ZNF800: variants seen among roughly 807,000 people sequenced by gnomAD.
The protein encoded by ZNF800 is zinc finger protein 800.
In ZNF800, 13 loss-of-function variants were observed where a neutral mutation model predicts 59.5. The observed-to-expected ratio is 0.22, with a 90% confidence interval of 0.14 to 0.35. ZNF800 has a LOEUF of 0.35. Among genes scored for constraint, ZNF800 ranks in the 10% least tolerant of loss-of-function variants. The pLI is 1.00. For synonymous variants in ZNF800, 266 were observed against 265.7 expected, an observed-to-expected ratio of 1.00 and a Z score of -0.01; for missense variants, 621 against 783.7, an observed-to-expected ratio of 0.79 and a Z score of 2.48.
chr7:127,365,042 AG>A (rs1339615179), downstream of ZNF800, among the ~76,000 whole-genome samples: 1 of 152,134 alleles, frequency 6.6e-6, no homozygotes, highest in African/African-American at 2.4e-5. Flanking sequence ...ATGAAGTGGA[AG>A]GCAAGCTGCA....
intron 1 of ZNF800, among the ~76,000 whole-genome samples, chr7:127,349,249 T>C (rs1800128304): frequency 6.6e-6 from 1 of 152,210 alleles, no homozygotes; most frequent in South Asian, 2.1e-4. Context: ...AACTAAAATA[T>C]GGCAATGAAC....
downstream of ZNF800, among the ~76,000 whole-genome samples, chr7:127,367,222 T>A (rs539317101): frequency 2.6e-5 from 4 of 152,212 alleles, no homozygotes; most frequent in South Asian, 6.2e-4. Flanking sequence ...CTATAAGGCC[T>A]GATCACTTAT....
At chr7:127,350,499 A>G (rs1462572866) in intron 1 of ZNF800, 5 of 152,236 alleles carry the variant, frequency 3.3e-5, no homozygotes, top group Non-Finnish European at 7.3e-5. Context: ...ACAAGTGCTG[A>G]AATCCTTGAC....
At chr7:127,391,452 G>A in intron 2 of ZNF800, 45 bp downstream of exon 2, 2 of 1,576,878 alleles carry the variant, frequency 1.3e-6, no homozygotes, top group Middle Eastern at 1.7e-4. Context: ...AAGGCAGAGT[G>A]GCTCTGATGG....
Position 127,374,546 on chromosome 7 carries a change from T to C in ZNF800, c.790A>G (p.Ile264Val). The change falls in exon 5 of 6, where the codon ATT becomes GTT. Residue 264 changes from isoleucine (I) to valine (V), a missense_variant. By Grantham distance (29) the Ile-to-Val change is conservative. This residue lies in a region of ZNF800 where 218 missense variants were observed against 230.8 expected (regional missense o/e 0.94). Transcript: ENST00000265827. The part of the protein sequence containing the change: ...KKKMEELKKY[I>V]ETRKNPNQSS... ...TGGTTTGGATTCTTTCGTGTTTCAA[T>C]GTACTTTTTTAGTTCTTCCATCTTT... 1 of 1,614,204 alleles carries C rather than the reference T, an allele frequency of 6.2e-7. No homozygotes were observed. The highest frequency in any genetic ancestry group is 8.5e-7 in the Non-Finnish European group (1 of 1,180,000).
intron 3 of ZNF800, among the ~76,000 whole-genome samples, chr7:127,380,616 T>C (rs148221710): frequency 5.3e-4 from 81 of 152,338 alleles, no homozygotes; most frequent in African/African-American, 1.8e-3. Flanking sequence ...CACTTACAAT[T>C]GGACACAGCC....
At chr7:127,343,446 T>C (rs573185367), downstream of ZNF800, among the ~76,000 whole-genome samples, 108 of 151,938 alleles carry the variant, frequency 7.1e-4, no homozygotes, top group Admixed American at 2.5e-3. Context: ...TGAAAATGCA[T>C]GTTTTTCTTT....
Position 127,361,778 on chromosome 7 carries a change from C to T in ZNF800, n.224+11564G>A, listed in dbSNP as rs1375034174. 3.3e-5 allele frequency: 5 copies of T among 152,184 alleles called. No homozygotes were observed. In the East Asian group the frequency reaches 5.8e-4, roughly 18 times the overall value. The allele number at this position is 152,184 out of a possible 1,614,324, so 9.4% of individuals were successfully genotyped here. A position where few individuals can be genotyped will look rare whatever the true frequency, so the allele number is the denominator to read the frequency against. On this transcript the variant is annotated intron_variant and non_coding_transcript_variant, in intron 1 of 1. Transcript: ENST00000485577. ...TAAAAGTCCAATAAAGATGAATTCA[C>T]TAATATTTATTCATTCCATATGTTC...
chr7:127,384,227 CTTTTT>C (rs577977623), intron 3 of ZNF800, among the ~76,000 whole-genome samples: 11 of 63,378 alleles, frequency 1.7e-4, no homozygotes, highest in South Asian at 6.5e-4. Flanking sequence ...ATTCTAACTT[CTTTTT>C]TTTTTTTTTT....
At chr7:127,355,489 G>T (rs1428977384) in intron 1 of ZNF800, among the ~76,000 whole-genome samples, 1 of 152,030 alleles carries the variant, frequency 6.6e-6, no homozygotes, top group Non-Finnish European at 1.5e-5. Flanking sequence ...TAAGGTAAAT[G>T]TGAGTTTATC....
chr7:127,384,160 C>CAGGTTCTTG (rs1273612767), intron 3 of ZNF800, among the ~76,000 whole-genome samples: 2 of 144,462 alleles, frequency 1.4e-5, no homozygotes, highest in Non-Finnish European at 1.5e-5. Flanking sequence ...ATTTTGGGTA[C>CAGGTTCTTG]AGGTTCTTGT....
intron 5 of ZNF800, chr7:127,372,746 T>C: frequency 2.0e-6 from 2 of 985,096 alleles, no homozygotes; most frequent in Non-Finnish European, 2.4e-6. Flanking sequence ...CCACCAACTT[T>C]CCCCCTTTGC....
chr7:127,386,953 G>T (rs1458137369), intron 2 of ZNF800, among the ~76,000 whole-genome samples: 1 of 151,882 alleles, frequency 6.6e-6, no homozygotes, highest in African/African-American at 2.4e-5. Context: ...ATGTATAAAT[G>T]CTGTTAGGGT....
downstream of ZNF800, among the ~76,000 whole-genome samples, chr7:127,345,575 T>C (rs1800045936): frequency 6.6e-6 from 1 of 151,904 alleles, no homozygotes; most frequent in Non-Finnish European, 1.5e-5. Flanking sequence ...GTGCAGAAAA[T>C]ATCTTGGCAT....
Position 127,374,211 on chromosome 7 carries a change from T to C in ZNF800, c.1125A>G (p.Lys375=). The change falls in exon 5 of 6, where the codon AAA becomes AAG. Residue 375 remains lysine (K), a synonymous_variant. Coordinates refer to ENST00000265827, the MANE Select transcript of ZNF800 (RefSeq NM_176814.5). Reference sequence around the variant, plus strand: ...TCTTGTGGACAATTTGCATATGTCTTTTAAGCATTATTTGTGAACTATATT... The same window carrying C: ...TCTTGTGGACAATTTGCATATGTCTCTTAAGCATTATTTGTGAACTATATT... ...KRKYSSQIML[K]RHMQIVHKIT... 1 of 1,614,126 alleles carries C rather than the reference T, an allele frequency of 6.2e-7. No individual in the cohort carries two copies. Among genetic ancestry groups the C allele is most frequent in the South Asian group, 1.1e-5 (1 of 91,084 alleles).
chr7:127,387,041 T>C (rs1801156448), intron 2 of ZNF800, among the ~76,000 whole-genome samples: 1 of 152,072 alleles, frequency 6.6e-6, no homozygotes, highest in Non-Finnish European at 1.5e-5. Context: ...GGACACATTT[T>C]TACAATAAGT....
chr7:127,387,267 T>C (rs1256905298), intron 2 of ZNF800, among the ~76,000 whole-genome samples: 1 of 152,170 alleles, frequency 6.6e-6, no homozygotes, highest in Non-Finnish European at 1.5e-5. Flanking sequence ...TTTAATTATC[T>C]CTTTTTTAAA....
chr7:127,390,202 T>C lies in ZNF800; in HGVS notation c.61+1295A>G, dbSNP rs1801263923. On this transcript the variant is annotated intron_variant, in intron 2 of 5. Coordinates refer to ENST00000265827, the MANE Select transcript of ZNF800 (RefSeq NM_176814.5). ...AAAAAAAACTAGACTAAAAGGTCAG[T>C]GGAACATGAGTTTAAATGGCACTCA... 3.3e-5 allele frequency among the ~76,000 whole-genome samples: 5 copies of C among 152,182 alleles called. No individual in the cohort carries two copies. The South Asian group carries it at 1.0e-3, about 32-fold the overall frequency.
chr7:127,367,328 A>C (rs896705487), downstream of ZNF800, among the ~76,000 whole-genome samples: 1 of 152,150 alleles, frequency 6.6e-6, no homozygotes, highest in Non-Finnish European at 1.5e-5. Context: ...AAAGAGCATA[A>C]CATAACATTT....
Sources: allele counts gnomAD v4.1 joint callset (sites outside exome capture counted in the v4.1 genomes callset), GRCh38; gene constraint gnomAD v4.1.1; regional missense constraint gnomAD v4.1.1; transcripts MANE v1.5; gene names NCBI Gene and HGNC (gene_info 2026-07-23, HGNC 2026-07-21).